Variants in KLHL32 observed in about 807,000 individuals in gnomAD.
KLHL32 encodes the protein kelch-like protein 32.
A neutral mutation model predicts 64.8 loss-of-function variants in KLHL32; 35 were observed. The ratio of observed to expected loss-of-function variants is 0.54; its 90% CI spans 0.41 to 0.72. The LOEUF (loss-of-function observed/expected upper bound fraction) is 0.72. KLHL32 is among the 30% of genes least tolerant of loss of function. KLHL32 has a pLI of 0.00. For synonymous variants in KLHL32, 259 were observed against 281.0 expected, an observed-to-expected ratio of 0.92 and a Z score of 0.78; for missense variants, 589 against 768.5, an observed-to-expected ratio of 0.77 and a Z score of 2.76.
chr6:97,067,216 C>T (rs1789928905), intron 5 of KLHL32, among the ~76,000 whole-genome samples: 1 of 152,184 alleles, frequency 6.6e-6, no homozygotes, highest in African/African-American at 2.4e-5. Flanking sequence ...AATGGTGCTG[C>T]TGCCCTCCTG....
chr6:97,005,079 T>C (rs1328510907), intron 3 of KLHL32, among the ~76,000 whole-genome samples: 2 of 152,156 alleles, frequency 1.3e-5, no homozygotes, highest in Non-Finnish European at 2.9e-5. Context: ...TTTGTACACC[T>C]GGTAGAATTT....
At chr6:96,992,962 A>G (rs146742445) in intron 3 of KLHL32, among the ~76,000 whole-genome samples, 5 of 152,308 alleles carry the variant, frequency 3.3e-5, no homozygotes, top group South Asian at 2.1e-4. Context: ...TCAGTCTCAT[A>G]AGCTGCTTGT....
At chr6:97,087,139 C>T (rs1470736733) in intron 6 of KLHL32, among the ~76,000 whole-genome samples, 1 of 152,076 alleles carries the variant, frequency 6.6e-6, no homozygotes, top group Non-Finnish European at 1.5e-5. Context: ...ATACCTGGTC[C>T]TCAAGAAAGA....
chr6:97,040,134 A>G (rs1784904686), intron 3 of KLHL32, among the ~76,000 whole-genome samples: 1 of 152,120 alleles, frequency 6.6e-6, no homozygotes, highest in South Asian at 2.1e-4. Flanking sequence ...ACTAAATACC[A>G]CATAGCATAG....
At chr6:97,016,897 C>T (rs188842650) in intron 3 of KLHL32, among the ~76,000 whole-genome samples, 1 of 152,212 alleles carries the variant, frequency 6.6e-6, no homozygotes, top group East Asian at 1.9e-4. Context: ...AGGCCCTATC[C>T]CCTTCACTCT....
At chr6:96,947,136 A>T (rs897968087) in intron 1 of KLHL32, among the ~76,000 whole-genome samples, 24 of 152,214 alleles carry the variant, frequency 1.6e-4, no homozygotes, top group Non-Finnish European at 5.9e-5. Context: ...TAGTAAAATG[A>T]AACAAACATA....
At chr6:97,088,839 T>C (rs1378792765) in intron 6 of KLHL32, among the ~76,000 whole-genome samples, 1 of 152,266 alleles carries the variant, frequency 6.6e-6, no homozygotes, top group Non-Finnish European at 1.5e-5. Context: ...AGATCTGTTT[T>C]CATTTCCATA....
At chr6:97,124,621 T>C (rs1798699137) in intron 7 of KLHL32, among the ~76,000 whole-genome samples, 1 of 152,178 alleles carries the variant, frequency 6.6e-6, no homozygotes, top group Non-Finnish European at 1.5e-5. Flanking sequence ...TTTACTACAG[T>C]AGATATTAAT....
intron 1 of KLHL32, among the ~76,000 whole-genome samples, chr6:96,950,880 C>A (rs1772490395): frequency 6.6e-6 from 1 of 152,152 alleles, no homozygotes; most frequent in Non-Finnish European, 1.5e-5. Flanking sequence ...ATTCTTATAT[C>A]TGAGAGCCCA....
intron 10 of KLHL32, among the ~76,000 whole-genome samples, chr6:97,136,171 C>A (rs1209368669): frequency 1.3e-5 from 2 of 152,136 alleles, no homozygotes. Flanking sequence ...TGAGATTGTT[C>A]TATTAACATT....
chr6:97,005,898 G>C (rs1779607310), intron 3 of KLHL32, among the ~76,000 whole-genome samples: 1 of 151,928 alleles, frequency 6.6e-6, no homozygotes, highest in African/African-American at 2.4e-5. Flanking sequence ...ATTGTTTTCT[G>C]GCTAAATGTG....
intron 10 of KLHL32, among the ~76,000 whole-genome samples, chr6:97,135,598 G>A (rs1441349067): frequency 6.6e-6 from 1 of 152,076 alleles, no homozygotes; most frequent in Admixed American, 6.5e-5. Flanking sequence ...GCATCTGGAC[G>A]ATTTGTTATT....
chr6:96,999,816 C>T (rs1014085042), intron 3 of KLHL32, among the ~76,000 whole-genome samples: 15 of 152,112 alleles, frequency 9.9e-5, no homozygotes, highest in African/African-American at 3.1e-4. Context: ...ACCACATGCA[C>T]GTAATTCACC....
chr6:96,971,489 C>T (rs1775096844), intron 2 of KLHL32, among the ~76,000 whole-genome samples: 1 of 152,168 alleles, frequency 6.6e-6, no homozygotes, highest in Non-Finnish European at 1.5e-5. Context: ...AAGTTAAAGG[C>T]TTAAAGTTAT....
intron 1 of KLHL32, among the ~76,000 whole-genome samples, chr6:96,939,757 G>A (rs1012767373): frequency 6.6e-6 from 1 of 152,114 alleles, no homozygotes; most frequent in African/African-American, 2.4e-5. Flanking sequence ...GAAATGCCGA[G>A]AAGCCATTGA....
intron 5 of KLHL32, among the ~76,000 whole-genome samples, chr6:97,065,032 G>A (rs1041531011): frequency 1.3e-5 from 2 of 152,124 alleles, no homozygotes; most frequent in Non-Finnish European, 1.5e-5. Flanking sequence ...GGGAGGTGTC[G>A]CTAAAAGGAG....
intron 3 of KLHL32, among the ~76,000 whole-genome samples, chr6:97,037,288 C>T (rs78729677): frequency 6.6e-6 from 1 of 151,914 alleles, no homozygotes. Context: ...ACATAAAACT[C>T]TCTAATGCAG....
rs752207345 is a variant in KLHL32, at chr6:97,064,693, G to C, written c.378G>C (p.Glu126Asp). 2 of 1,614,008 alleles carry C rather than the reference G, an allele frequency of 1.2e-6. No individual in the cohort carries two copies. The highest frequency in any genetic ancestry group is 1.7e-6 in the Non-Finnish European group (2 of 1,179,992). The change falls in exon 5 of 11, where the codon GAG (glutamate) becomes GAC (aspartate). Residue 126 changes from glutamate (E) to aspartate (D), a missense_variant. Physicochemically the swap from Glu to Asp is conservative, Grantham distance 45. This residue lies in a region of KLHL32 where 191 missense variants were observed against 223.3 expected (regional missense o/e 0.86). Transcript: ENST00000369261. ...LAAGSHLQLL[E>D]LLNLCSHYLI... Reference sequence around the variant, plus strand: ...CGGGCAGTCACCTACAGCTGTTGGAGCTTCTCAATTTATGCTCCCACTATC... The same window carrying C: ...CGGGCAGTCACCTACAGCTGTTGGACCTTCTCAATTTATGCTCCCACTATC...
intron 5 of KLHL32, among the ~76,000 whole-genome samples, chr6:97,083,483 G>A (rs756824457): frequency 6.6e-6 from 1 of 152,084 alleles, no homozygotes; most frequent in South Asian, 2.1e-4. Flanking sequence ...GATTTGAGCC[G>A]AGTCTGCCTG....
Sources: allele counts gnomAD v4.1 joint callset (sites outside exome capture counted in the v4.1 genomes callset), GRCh38; gene constraint gnomAD v4.1.1; regional missense constraint gnomAD v4.1.1; transcripts MANE v1.5; gene names NCBI Gene and HGNC (gene_info 2026-07-23, HGNC 2026-07-21).